The following RALYL variants were observed in gnomAD, a reference collection of about 807,000 sequenced individuals.
The protein encoded by RALYL is RALY RNA binding protein like.
A neutral mutation model predicts 35.1 loss-of-function variants in RALYL; 29 were observed. That is an observed-to-expected ratio of 0.83 (90% CI 0.61 to 1.13). RALYL has a LOEUF of 1.13. RALYL is among the 50% of genes most tolerant of loss of function. The probability of loss-of-function intolerance (pLI) is 0.00; values close to 1 mark genes in which losing one functional copy is unlikely to be tolerated. For missense variants in RALYL, 359 were observed against 360.4 expected (o/e 1.00, Z 0.03); for synonymous variants, 120 against 127.6 (o/e 0.94, Z 0.40).
chr8:84,339,442 A>G (rs1157873425), intron 1 of RALYL, among the ~76,000 whole-genome samples: 1 of 151,906 alleles, frequency 6.6e-6, no homozygotes, highest in Non-Finnish European at 1.5e-5. Flanking sequence ...TGCACTCCTT[A>G]TGAAAATCTA....
chr8:84,686,176 T>G (rs1328198656), intron 2 of RALYL, among the ~76,000 whole-genome samples: 1 of 152,152 alleles, frequency 6.6e-6, no homozygotes, highest in Non-Finnish European at 1.5e-5. Flanking sequence ...ACAGGCATTA[T>G]AGCAAAACTG....
rs374133124 is a variant in RALYL at position 84,887,802 on chromosome 8, C to T, written c.858+26C>T. Reference sequence around the variant, plus strand: ...GTAGGAAAGAAACATTTGGTATTCACACCCTTTGGGTAACAACACTAGCAT... The same window carrying T: ...GTAGGAAAGAAACATTTGGTATTCATACCCTTTGGGTAACAACACTAGCAT... On this transcript the variant is annotated intron_variant, in intron 8 of 8. Coordinates refer to ENST00000521268, the MANE Select transcript of RALYL (RefSeq NM_173848.7). 3.1e-6 allele frequency: 5 copies of T among 1,596,886 alleles called. No individual in the cohort carries two copies. The African/African-American group carries it at 6.7e-5, about 21-fold the overall frequency.
intron 1 of RALYL, among the ~76,000 whole-genome samples, chr8:84,234,175 T>G (rs1825975036): frequency 6.6e-6 from 1 of 152,186 alleles, no homozygotes; most frequent in Admixed American, 6.6e-5. Context: ...AAATCCAGAG[T>G]TAAATTGTTT....
At chr8:84,368,664 TAA>T (rs1269635680) in intron 1 of RALYL, among the ~76,000 whole-genome samples, 1 of 152,152 alleles carries the variant, frequency 6.6e-6, no homozygotes, top group African/African-American at 2.4e-5. Context: ...CTCCCCCTTA[TAA>T]AGCCATCAGA....
chr8:84,571,562 C>A (rs1162750873), intron 2 of RALYL, among the ~76,000 whole-genome samples: 1 of 151,662 alleles, frequency 6.6e-6, no homozygotes, highest in East Asian at 1.9e-4. Context: ...AAAGAACCAA[C>A]TTTTTCTTTC....
At chr8:84,604,500 G>T (rs951484612) in intron 2 of RALYL, among the ~76,000 whole-genome samples, 1 of 152,206 alleles carries the variant, frequency 6.6e-6, no homozygotes, top group South Asian at 2.1e-4. Flanking sequence ...GTCCCATCTC[G>T]CTGCTGCTGC....
chr8:84,268,501 TAAG>T (rs1833726595), intron 1 of RALYL, among the ~76,000 whole-genome samples: 1 of 152,224 alleles, frequency 6.6e-6, no homozygotes, highest in African/African-American at 2.4e-5. Context: ...GTAATATTAA[TAAG>T]AAAGAGTAAT....
chr8:84,238,155 T>A (rs1586445873), intron 1 of RALYL, among the ~76,000 whole-genome samples: 1 of 151,014 alleles, frequency 6.6e-6, no homozygotes, highest in African/African-American at 2.5e-5. Flanking sequence ...TTCTCCTTCA[T>A]AAAAATATAA....
At chr8:84,519,228 T>C (rs549869792) in intron 1 of RALYL, among the ~76,000 whole-genome samples, 2 of 152,336 alleles carry the variant, frequency 1.3e-5, no homozygotes, top group South Asian at 2.1e-4. Flanking sequence ...TACTCTATTT[T>C]ACATATTTTA....
At chr8:84,365,843 T>C (rs1306442344) in intron 1 of RALYL, among the ~76,000 whole-genome samples, 1 of 152,160 alleles carries the variant, frequency 6.6e-6, no homozygotes, top group Non-Finnish European at 1.5e-5. Context: ...TAGAAATGGT[T>C]AAGAACCTAA....
rs146526360 is a variant in RALYL, at chr8:84,559,319, G to C, written c.256+29742G>C. ...CATTAAAATAATTATACTTAGGGAA[G>C]TCAGAGTGCAATTGTCTTAGAAGCA... On this transcript the variant is annotated intron_variant, in intron 2 of 8. Transcript: ENST00000521268. 7.9e-5 allele frequency among the ~76,000 whole-genome samples: 12 copies of C among 152,128 alleles called. No homozygotes were observed. In the East Asian group the frequency reaches 2.3e-3, roughly 29 times the overall value.
intron 2 of RALYL, among the ~76,000 whole-genome samples, chr8:84,547,708 C>G (rs953314646): frequency 1.1e-4 from 16 of 152,056 alleles, no homozygotes; most frequent in Non-Finnish European, 2.9e-5. Flanking sequence ...CTAGGAAGAC[C>G]TTTTCATTGT....
At chr8:84,615,034 A>G (rs988668170) in intron 2 of RALYL, among the ~76,000 whole-genome samples, 1 of 151,656 alleles carries the variant, frequency 6.6e-6, no homozygotes, top group East Asian at 1.9e-4. Flanking sequence ...ATGTGCTACT[A>G]TATGTTCAGT....
chr8:84,281,773 T>C (rs1236141647), intron 1 of RALYL, among the ~76,000 whole-genome samples: 1 of 152,104 alleles, frequency 6.6e-6, no homozygotes, highest in East Asian at 1.9e-4. Context: ...CATGTATATA[T>C]GTAATCTCTA....
chr8:84,676,603 G>A (rs752649042), intron 2 of RALYL, among the ~76,000 whole-genome samples: 4 of 152,072 alleles, frequency 2.6e-5, no homozygotes, highest in South Asian at 2.1e-4. Context: ...GACCATTTAA[G>A]GTCCCCACCC....
At chr8:84,853,003 A>G (rs1365689527) in intron 5 of RALYL, among the ~76,000 whole-genome samples, 1 of 152,234 alleles carries the variant, frequency 6.6e-6, no homozygotes, top group Non-Finnish European at 1.5e-5. Context: ...AAGAATCAAT[A>G]TGACTATCTT....
At chr8:84,589,042 C>T (rs1812626153) in intron 2 of RALYL, among the ~76,000 whole-genome samples, 1 of 152,024 alleles carries the variant, frequency 6.6e-6, no homozygotes, top group Non-Finnish European at 1.5e-5. Flanking sequence ...GGATTACAGG[C>T]ATGCGCCACC....
intron 1 of RALYL, among the ~76,000 whole-genome samples, chr8:84,472,302 T>A (rs966783814): frequency 6.6e-6 from 1 of 152,164 alleles, no homozygotes; most frequent in Non-Finnish European, 1.5e-5. Flanking sequence ...GGTATATGAA[T>A]TTTTATAATA....
chr8:84,485,065 C>T (rs763177377), intron 1 of RALYL, among the ~76,000 whole-genome samples: 3 of 152,110 alleles, frequency 2.0e-5, no homozygotes, highest in Non-Finnish European at 2.9e-5. Context: ...TCTCTGCCGC[C>T]GCCTTCTTGA....
Sources: allele counts gnomAD v4.1 joint callset (sites outside exome capture counted in the v4.1 genomes callset), GRCh38; gene constraint gnomAD v4.1.1; transcripts MANE v1.5; gene names NCBI Gene and HGNC (gene_info 2026-07-23, HGNC 2026-07-21).